The following NAA11 variants were observed in gnomAD, a reference collection of about 807,000 sequenced individuals.
NAA11 encodes N-alpha-acetyltransferase 11, NatA catalytic subunit.
Under a neutral mutation model 16.1 loss-of-function variants are expected in NAA11, and 15 were observed. The ratio of observed to expected loss-of-function variants is 0.93; its 90% CI spans 0.62 to 1.44. NAA11 has a LOEUF of 1.44. Among genes scored for constraint, NAA11 ranks in the 40% most tolerant of loss-of-function variants. NAA11 has a pLI of 0.00. For missense variants in NAA11, 298 were observed against 291.3 expected, an observed-to-expected ratio of 1.02 and a Z score of -0.17; for synonymous variants, 122 against 112.4, an observed-to-expected ratio of 1.09 and a Z score of -0.54.
intron 2 of NAA11, among the ~76,000 whole-genome samples, chr4:79,234,332 C>T (rs1421428713): frequency 6.6e-6 from 1 of 152,102 alleles, no homozygotes; most frequent in African/African-American, 2.4e-5. Context: ...TTGGCACATT[C>T]TCAAGAAGTT....
At chr4:79,279,030 G>T (rs1722729091) in intron 2 of NAA11, among the ~76,000 whole-genome samples, 1 of 151,988 alleles carries the variant, frequency 6.6e-6, no homozygotes, top group African/African-American at 2.4e-5. Context: ...CCATTCATGA[G>T]GGTAGGGCCC....
chr4:79,227,798 T>A lies in NAA11; in HGVS notation c.*123-1528A>T, dbSNP rs867406845. The stretch of plus-strand genomic sequence containing the variant: ...ACAAGGCCATCCCACTGACTCACAC[T>A]GATCTTGTTCTCAGCAAAAAACTCC... On this transcript the variant is annotated intron_variant and NMD_transcript_variant, in intron 2 of 2. Coordinates refer to the NAA11 transcript ENST00000511542. 2.0e-5 allele frequency: 3 copies of A among 152,154 alleles called. No individual in the cohort carries two copies. In the Middle Eastern group the frequency reaches 0.01, roughly 518 times the overall value. The allele number at this position is 152,154 out of a possible 1,614,324, so 9.4% of individuals were successfully genotyped here. A position where few individuals can be genotyped will look rare whatever the true frequency, so the allele number is the denominator to read the frequency against.
the NAA11 span, among the ~76,000 whole-genome samples, chr4:79,196,979 A>AAAAGAAAG: frequency 2.8e-4 from 35 of 125,644 alleles, no homozygotes; most frequent in African/African-American, 2.4e-4. Context: ...AAAAAAAAAA[A>AAAAGAAAG]AAAGAAAGAA....
intron 2 of NAA11, among the ~76,000 whole-genome samples, chr4:79,248,003 A>C (rs1278102381): frequency 6.6e-6 from 1 of 152,158 alleles, no homozygotes; most frequent in Non-Finnish European, 1.5e-5. Flanking sequence ...TTGCTCCCCT[A>C]GGAGACTTTA....
At chr4:79,235,113 A>C (rs558105725) in intron 2 of NAA11, among the ~76,000 whole-genome samples, 3 of 152,066 alleles carry the variant, frequency 2.0e-5, no homozygotes, top group Non-Finnish European at 4.4e-5. Flanking sequence ...CCTTGCCTGG[A>C]CTGCCACTAG....
At chr4:79,244,638 C>CCCCATCGCCCCTCT (rs60096999) in intron 2 of NAA11, 1 of 44,392 alleles carries the variant, frequency 2.3e-5, no homozygotes, top group African/African-American at 5.7e-5. Flanking sequence ...CCCTCCCCCT[C>CCCCATCGCCCCTCT]CCCGTCTCCG....
intron 2 of NAA11, among the ~76,000 whole-genome samples, chr4:79,273,170 C>T (rs899461773): frequency 6.6e-6 from 1 of 151,910 alleles, no homozygotes; most frequent in Non-Finnish European, 1.5e-5. Flanking sequence ...ATAGATTCCA[C>T]CTTTCGATGG....
the NAA11 span, among the ~76,000 whole-genome samples, chr4:79,203,820 CA>C: frequency 2.0e-5 from 3 of 151,406 alleles, no homozygotes; most frequent in African/African-American, 7.3e-5. Flanking sequence ...TCACATATTT[CA>C]ATGACAAAAA....
At chr4:79,238,067 C>A (rs1721612154) in intron 2 of NAA11, among the ~76,000 whole-genome samples, 1 of 152,194 alleles carries the variant, frequency 6.6e-6, no homozygotes, top group African/African-American at 2.4e-5. Context: ...GCTGCTGTAG[C>A]TACTACCAGA....
the NAA11 span, among the ~76,000 whole-genome samples, chr4:79,214,674 C>T: frequency 3.9e-5 from 6 of 152,112 alleles, no homozygotes; most frequent in African/African-American, 1.2e-4. Context: ...TGGCGGGCAC[C>T]TGTAGTCTCA....
intron 1 of NAA11, among the ~76,000 whole-genome samples, chr4:79,298,544 G>A (rs1428699039): frequency 1.3e-5 from 2 of 152,228 alleles, no homozygotes; most frequent in East Asian, 3.8e-4. Flanking sequence ...TGGTCTGGCT[G>A]TAGCCTTGCA....
At chr4:79,263,912 A>C (rs1722289905) in intron 2 of NAA11, among the ~76,000 whole-genome samples, 2 of 152,122 alleles carry the variant, frequency 1.3e-5, no homozygotes, top group Admixed American at 1.3e-4. Context: ...TACCATTTCT[A>C]TCTTTTCTGA....
the NAA11 span, among the ~76,000 whole-genome samples, chr4:79,173,887 T>C: frequency 6.6e-6 from 1 of 152,104 alleles, no homozygotes; most frequent in Non-Finnish European, 1.5e-5. Context: ...GACCTGGAAA[T>C]TTGAGCCATT....
chr4:79,268,922 A>T (rs1478822431), intron 2 of NAA11, among the ~76,000 whole-genome samples: 1 of 129,734 alleles, frequency 7.7e-6, no homozygotes, highest in Admixed American at 8.1e-5. Context: ...TCATTGTTCA[A>T]TTCCCACCTA....
At chr4:79,186,787 C>A in the NAA11 span, among the ~76,000 whole-genome samples, 1 of 152,080 alleles carries the variant, frequency 6.6e-6, no homozygotes, top group Non-Finnish European at 1.5e-5. Flanking sequence ...AAGCCAGTTT[C>A]AATTCCTTAA....
At chr4:79,213,780 C>G in the NAA11 span, among the ~76,000 whole-genome samples, 1 of 152,134 alleles carries the variant, frequency 6.6e-6, no homozygotes, top group Non-Finnish European at 1.5e-5. Flanking sequence ...CTTTACTTCT[C>G]CACTTGTTTT....
the NAA11 span, among the ~76,000 whole-genome samples, chr4:79,202,589 A>ATATACAGT: frequency 7.9e-6 from 1 of 126,100 alleles, no homozygotes. Flanking sequence ...ATGTAGTTTT[A>ATATACAGT]TATATATAGT....
downstream of NAA11, among the ~76,000 whole-genome samples, chr4:79,221,805 A>G (rs1292545185): frequency 1.6e-5 from 2 of 128,740 alleles, no homozygotes; most frequent in Admixed American, 8.4e-5. Context: ...TTTTGCATCA[A>G]TGTTCATCAA....
chr4:79,274,804 A>G (rs1722609542), intron 2 of NAA11, among the ~76,000 whole-genome samples: 1 of 152,202 alleles, frequency 6.6e-6, no homozygotes, highest in Middle Eastern at 3.4e-3. Context: ...TATAGTCTCG[A>G]GCAGCACATT....
Sources: gnomAD v4.1 joint callset for allele counts (sites outside exome capture counted in the v4.1 genomes callset) on GRCh38, gnomAD v4.1.1 for gene constraint, MANE v1.5 for transcripts, NCBI Gene and HGNC (gene_info 2026-07-23, HGNC 2026-07-21) for gene names.